Variants in PCM1 observed in about 807,000 individuals in gnomAD.
PCM1 encodes the protein pericentriolar material 1 protein.
A neutral mutation model predicts 241.9 loss-of-function variants in PCM1; 157 were observed. The observed-to-expected ratio is 0.65, with a 90% CI of 0.57 to 0.74. The LOEUF is 0.74. Among genes scored for constraint, PCM1 ranks in the 30% least tolerant of loss-of-function variants. PCM1 has a pLI of 0.00. For synonymous variants in PCM1, 1,085 were observed against 784.9 expected (o/e 1.38, Z -6.39); for missense variants, 3,478 against 2,360.1 (o/e 1.47, Z -9.81).
intron 6 of PCM1, among the ~76,000 whole-genome samples, chr8:17,942,655 G>A (rs2062489153): frequency 1.3e-5 from 2 of 151,680 alleles, no homozygotes; most frequent in Non-Finnish European, 2.9e-5. Flanking sequence ...TTGCATAATG[G>A]CATTCCAGAT....
chr8:18,024,988 AC>A (rs2094072410), intron 36 of PCM1: 1 of 161,366 alleles, frequency 6.2e-6, no homozygotes, highest in Admixed American at 6.4e-5. Context: ...CAGAGTTGAT[AC>A]ACTGAAAAGT....
chr8:17,955,626 G>A lies in PCM1; in HGVS notation c.1445G>A (p.Gly482Asp), dbSNP rs748262766. ...LVSQNESENE[G>D]HLNPSEKLQK... ...TCTCAGAATGAGAGTGAAAACGAAG[G>A]CCACCTCAATCCATCTGAAAAACTC... Residue 482 changes from glycine to aspartate, a missense_variant, in exon 10 of 39, where the codon GGC (glycine) becomes GAC (aspartate). Physicochemically the swap from Gly to Asp is moderately conservative, Grantham distance 94. Coordinates refer to ENST00000325083, the MANE Select transcript of PCM1 (RefSeq NM_006197.4). 6.2e-7 allele frequency: 1 copy of A among 1,613,136 alleles called. No individual in the cohort carries two copies. The highest frequency in any genetic ancestry group is 1.1e-5 in the South Asian group (1 of 91,050).
chr8:17,962,375 T>G (rs1047977773), intron 16 of PCM1, among the ~76,000 whole-genome samples: 1 of 152,192 alleles, frequency 6.6e-6, no homozygotes, highest in Non-Finnish European at 1.5e-5. Flanking sequence ...TTTTAATTTT[T>G]AAACTTTAAT....
At chr8:18,017,901 AC>A (rs2093375902) in intron 36 of PCM1, among the ~76,000 whole-genome samples, 1 of 152,126 alleles carries the variant, frequency 6.6e-6, no homozygotes. Context: ...AATAATCAAC[AC>A]CAATGGGACA....
rs114469278 is a variant in PCM1 at position 18,026,694 on chromosome 8, C to G, written c.6050-943C>G. ...CAAGTATGTATCTAGCCCTACCTCT[C>G]TCTCCTCCTCCTCTCAGTGTTCATA... On this transcript the variant is annotated intron_variant, in intron 38 of 38. Coordinates refer to ENST00000325083, the MANE Select transcript of PCM1 (RefSeq NM_006197.4). Among the ~76,000 whole-genome samples, 1,206 of 151,954 alleles carry G rather than the reference C, an allele frequency of 7.9e-3. 9 individuals are homozygous for G. Among genetic ancestry groups the G allele is most frequent in the African/African-American group, 0.028 (1,157 of 41,400 alleles).
Position 18,011,843 on chromosome 8 carries a change from C to G in PCM1, c.5511+16C>G, listed in dbSNP as rs746858287. 5 of 1,601,534 alleles carry G rather than the reference C, an allele frequency of 3.1e-6. No individual in the cohort carries two copies. Among genetic ancestry groups the G allele is most frequent in the African/African-American group, 2.7e-5 (2 of 74,278 alleles). On this transcript the variant is annotated intron_variant, in intron 34 of 38. Coordinates refer to ENST00000325083, the MANE Select transcript of PCM1 (RefSeq NM_006197.4). ...TGATGAACAGGTATTCCCGTATTGA[C>G]TGACACACTTCCATCAGCCTTATTT...
chr8:18,021,904 C>A (rs2093785348), intron 36 of PCM1, among the ~76,000 whole-genome samples: 1 of 152,182 alleles, frequency 6.6e-6, no homozygotes, highest in Admixed American at 6.5e-5. Context: ...TACTCTAAGA[C>A]CTTAATGGAT....
Position 17,923,068 on chromosome 8 carries a change from G to C in PCM1, c.-211G>C, listed in dbSNP as rs1483362644. On this transcript the variant is annotated 5_prime_UTR_variant, in exon 1 of 39. Coordinates refer to ENST00000325083, the MANE Select transcript of PCM1 (RefSeq NM_006197.4). ...TCGAAAAGGCGGCCACTGGGGCCGA[G>C]GCAGCCAGGAAACGTGTGGGCCTCT... 1 of 152,742 alleles carries C rather than the reference G, an allele frequency of 6.5e-6. No homozygotes were observed. The highest frequency in any genetic ancestry group is 1.9e-4 in the East Asian group (1 of 5,196). The allele number at this position is 152,742 out of a possible 1,614,324, so 9.5% of individuals were successfully genotyped here.
chr8:18,009,797 T>TTGATCATTATTATTAACTGAA, intron 31 of PCM1, 53 bp downstream of exon 31: 1 of 1,089,824 alleles, frequency 9.2e-7, no homozygotes, highest in Non-Finnish European at 1.2e-6. Context: ...AATACAGTTC[T>TTGATCATTATTATTAACTGAA]TGATCATTAT....
chr8:17,998,732 G>A, intron 29 of PCM1, among the ~76,000 whole-genome samples: 1 of 152,114 alleles, frequency 6.6e-6, no homozygotes, highest in Middle Eastern at 3.2e-3. Context: ...TAGCAGGTGG[G>A]GAAGCCAGCC....
At chr8:17,924,350 G>A (rs1019113426) in intron 1 of PCM1, among the ~76,000 whole-genome samples, 1 of 152,172 alleles carries the variant, frequency 6.6e-6, no homozygotes, top group Non-Finnish European at 1.5e-5. Flanking sequence ...TAAAATCATC[G>A]GATATACGAG....
intron 32 of PCM1, 68 bp from the exon 33 acceptor site, chr8:18,011,169 T>A (rs2092443411): frequency 2.8e-6 from 3 of 1,057,110 alleles, no homozygotes; most frequent in Non-Finnish European, 4.0e-6. Flanking sequence ...ATTAATACGA[T>A]AGACTTACTA....
chr8:17,989,905 A>AC lies in PCM1; in HGVS notation c.4457_4458insC (p.Glu1486AspfsTer4). The AC allele has an allele frequency of 6.5e-7, 1 of 1,547,124 alleles. No homozygotes were observed. Among genetic ancestry groups the AC allele is most frequent in the Admixed American group, 2.0e-5 (1 of 50,848 alleles). ...GAAAGAGAAACCCATAAAATAAGTGAGCAAAATGATGCTGATAATGCTAGT... is the reference window on the plus strand; with the variant it reads ...GAAAGAGAAACCCATAAAATAAGTGACGCAAAATGATGCTGATAATGCTAGT... On this transcript the variant is annotated frameshift_variant, in exon 27 of 39. Transcript: ENST00000325083. LOFTEE classifies it high-confidence loss of function.
intron 8 of PCM1, among the ~76,000 whole-genome samples, chr8:17,951,499 C>T (rs543345470): frequency 3.1e-4 from 47 of 152,116 alleles, no homozygotes; most frequent in Non-Finnish European, 4.7e-4. Flanking sequence ...AGCAAATAAC[C>T]AGAAACAGCC....
Position 17,955,490 on chromosome 8 carries a change from G to T in PCM1, c.1309G>T (p.Asp437Tyr), listed in dbSNP as rs557994502. The stretch of plus-strand genomic sequence containing the variant: ...TTCAGCCTCTCCACAAAGGAGTGTC[G>T]ATCAGAGAAGTACTTCAGCTCCCTC... ...NSSSSPQRSVDQRSTSAPSAS... is the reference protein window; with the variant it reads ...NSSSSPQRSVYQRSTSAPSAS... The change falls in exon 10 of 39, where the codon GAT (aspartate) becomes TAT (tyrosine). Residue 437 changes from aspartate (D) to tyrosine (Y), a missense_variant. Transcript: ENST00000325083. 1.2e-6 allele frequency: 2 copies of T among 1,609,968 alleles called. No individual in the cohort carries two copies. The highest frequency in any genetic ancestry group is 1.3e-5 in the African/African-American group (1 of 74,772).
At chr8:17,999,460 G>T (rs1483615420) in intron 29 of PCM1, among the ~76,000 whole-genome samples, 1 of 152,178 alleles carries the variant, frequency 6.6e-6, no homozygotes, top group East Asian at 1.9e-4. Flanking sequence ...TGTCATCTTG[G>T]AGCTGGGGCC....
intron 4 of PCM1, among the ~76,000 whole-genome samples, chr8:17,937,880 A>C (rs1227958482): frequency 6.6e-6 from 1 of 152,188 alleles, no homozygotes; most frequent in African/African-American, 2.4e-5. Context: ...AGACACACAC[A>C]TTTCCAAAAA....
At chr8:17,949,254 T>TA (rs2065083690) in intron 7 of PCM1, among the ~76,000 whole-genome samples, 1 of 152,150 alleles carries the variant, frequency 6.6e-6, no homozygotes, top group Non-Finnish European at 1.5e-5. Context: ...AAGCTACAAT[T>TA]ACAGTATTTA....
At chr8:17,976,974 C>T (rs1021095595) in intron 23 of PCM1, among the ~76,000 whole-genome samples, 1 of 151,650 alleles carries the variant, frequency 6.6e-6, no homozygotes, top group Non-Finnish European at 1.5e-5. Context: ...TTTAAAGTAC[C>T]TATTGGGACT....
Sources: allele counts gnomAD v4.1 joint callset (sites outside exome capture counted in the v4.1 genomes callset), GRCh38; gene constraint gnomAD v4.1.1; transcripts MANE v1.5; gene names NCBI Gene and HGNC (gene_info 2026-07-23, HGNC 2026-07-21).